The following GPC5 variants were observed in gnomAD, a reference collection of about 807,000 sequenced individuals.
The protein encoded by GPC5 is glypican 5.
Under a neutral mutation model 53.9 loss-of-function variants are expected in GPC5, and 47 were observed. The ratio of observed to expected loss-of-function variants is 0.87; its 90% confidence interval spans 0.69 to 1.11. GPC5 has a LOEUF of 1.11. Ranked by LOEUF, GPC5 falls within the 50% of genes most tolerant of loss-of-function variation. The pLI is 0.00. For synonymous variants in GPC5, 286 were observed against 263.3 expected, an observed-to-expected ratio of 1.09 and a Z score of -0.84; for missense variants, 748 against 713.1, an observed-to-expected ratio of 1.05 and a Z score of -0.56.
chr13:92,221,794 C>T (rs2042450992), intron 7 of GPC5, among the ~76,000 whole-genome samples: 1 of 152,090 alleles, frequency 6.6e-6, no homozygotes, highest in Non-Finnish European at 1.5e-5. Flanking sequence ...CTCAGGCTCC[C>T]TCTGCATTTT....
At chr13:91,656,178 G>A (rs567891795) in intron 2 of GPC5, among the ~76,000 whole-genome samples, 74 of 152,266 alleles carry the variant, frequency 4.9e-4, no homozygotes, top group African/African-American at 1.4e-3. Context: ...CAGAGGCAGC[G>A]TGGAGTAATT....
At chr13:92,497,583 A>G (rs1408351354) in intron 7 of GPC5, among the ~76,000 whole-genome samples, 1 of 152,026 alleles carries the variant, frequency 6.6e-6, no homozygotes, top group East Asian at 1.9e-4. Flanking sequence ...TGTTGGCTAC[A>G]TGGGTCTGCT....
At chr13:92,821,295 T>G (rs943137945) in intron 7 of GPC5, among the ~76,000 whole-genome samples, 1 of 152,208 alleles carries the variant, frequency 6.6e-6, no homozygotes, top group Admixed American at 6.6e-5. Flanking sequence ...GCAAATATTT[T>G]ATCTGTATTC....
chr13:91,499,365 G>C (rs1884492544), intron 2 of GPC5, among the ~76,000 whole-genome samples: 1 of 152,128 alleles, frequency 6.6e-6, no homozygotes. Context: ...ATTGAAACAA[G>C]AGAGGGAGAG....
At chr13:92,799,746 C>CT (rs1876832607) in intron 7 of GPC5, among the ~76,000 whole-genome samples, 1 of 151,720 alleles carries the variant, frequency 6.6e-6, no homozygotes, top group Non-Finnish European at 1.5e-5. Flanking sequence ...AGGAAACCAC[C>CT]TTTTTCTCTC....
At chr13:91,477,427 T>C (rs1256011202) in intron 2 of GPC5, among the ~76,000 whole-genome samples, 2 of 152,026 alleles carry the variant, frequency 1.3e-5, no homozygotes, top group Non-Finnish European at 2.9e-5. Flanking sequence ...TCTAAAAAGA[T>C]GGGAAGGTAG....
intron 7 of GPC5, among the ~76,000 whole-genome samples, chr13:92,632,485 T>TATATATATATAC (rs138355646): frequency 0.088 from 12,076 of 136,634 alleles, 646 homozygotes; most frequent in Non-Finnish European, 0.13. Flanking sequence ...TATATATATA[T>TATATATATATAC]ACACATATAT....
At chr13:92,784,948 C>A (rs1336029323) in intron 7 of GPC5, among the ~76,000 whole-genome samples, 1 of 152,082 alleles carries the variant, frequency 6.6e-6, no homozygotes, top group Admixed American at 6.6e-5. Flanking sequence ...TTCTCTCCCC[C>A]AACCTAAAAA....
At chr13:92,667,040 GA>G (rs1886596084) in intron 7 of GPC5, among the ~76,000 whole-genome samples, 1 of 152,156 alleles carries the variant, frequency 6.6e-6, no homozygotes. Context: ...ATTTTCAATA[GA>G]TGAGGGTATA....
At chr13:92,315,714 T>C (rs1055162279) in intron 7 of GPC5, among the ~76,000 whole-genome samples, 2 of 152,192 alleles carry the variant, frequency 1.3e-5, no homozygotes, top group African/African-American at 2.4e-5. Flanking sequence ...AAGAATTTCA[T>C]TGGATGAGAT....
At chr13:91,408,824 C>T (rs1364824590) in intron 1 of GPC5, among the ~76,000 whole-genome samples, 1 of 152,132 alleles carries the variant, frequency 6.6e-6, no homozygotes. Context: ...TCCTTATAGG[C>T]AGCATAATTA....
chr13:92,185,774 C>A (rs9556159), intron 7 of GPC5, among the ~76,000 whole-genome samples: 31,468 of 151,888 alleles, frequency 0.21, 4,194 homozygotes, highest in East Asian at 0.66. Context: ...GTGTTGCAAC[C>A]AAATTAGAAT....
At chr13:91,990,267 G>C (rs141283659) in intron 6 of GPC5, among the ~76,000 whole-genome samples, 159 of 152,260 alleles carry the variant, frequency 1.0e-3, no homozygotes, top group African/African-American at 3.1e-3. Flanking sequence ...AAAATGTCAG[G>C]AGAGACAATT....
intron 7 of GPC5, chr13:92,240,296 T>G (rs1439909145): frequency 6.6e-6 from 1 of 152,046 alleles, no homozygotes; most frequent in Non-Finnish European, 1.5e-5. Context: ...GTGCTTTTTT[T>G]TTTGTGGAAA....
rs189228432 is a variant in GPC5 at position 92,284,058 on chromosome 13, C to T, written c.1561+139069C>T. On this transcript the variant is annotated intron_variant, in intron 7 of 7. Coordinates refer to ENST00000377067, the MANE Select transcript of GPC5 (RefSeq NM_004466.6). ...CAATAAAAAATGATAAAGGGGATAT[C>T]ACCACTGATCCCACAGAAATACAAA... Among the ~76,000 whole-genome samples the T allele has an allele frequency of 5.2e-3, 784 of 151,196 alleles. 4 individuals carry two copies. The highest frequency in any genetic ancestry group is 0.018 in the African/African-American group (746 of 41,404).
At chr13:92,397,291 T>C (rs1317462414) in intron 7 of GPC5, among the ~76,000 whole-genome samples, 2 of 152,144 alleles carry the variant, frequency 1.3e-5, no homozygotes, top group East Asian at 1.9e-4. Context: ...TCCCCCATAC[T>C]GTTCTTGTGG....
chr13:92,860,119 T>C (rs144537701), intron 7 of GPC5, among the ~76,000 whole-genome samples: 86 of 152,330 alleles, frequency 5.6e-4, no homozygotes, highest in African/African-American at 2.0e-3. Flanking sequence ...GAATATCTCA[T>C]TACTTCATTT....
chr13:92,495,221 T>A (rs989879322), intron 7 of GPC5, among the ~76,000 whole-genome samples: 2 of 152,248 alleles, frequency 1.3e-5, no homozygotes, highest in Non-Finnish European at 2.9e-5. Context: ...TTGTAGATGA[T>A]CTGTCTTTCC....
At chr13:92,666,259 C>T (rs568165580) in intron 7 of GPC5, among the ~76,000 whole-genome samples, 1 of 152,194 alleles carries the variant, frequency 6.6e-6, no homozygotes, top group East Asian at 1.9e-4. Flanking sequence ...ATACTTCCTG[C>T]AATGCCTCAT....
Sources: gnomAD v4.1 joint callset for allele counts (sites outside exome capture counted in the v4.1 genomes callset) on GRCh38, gnomAD v4.1.1 for gene constraint, MANE v1.5 for transcripts, NCBI Gene and HGNC (gene_info 2026-07-23, HGNC 2026-07-21) for gene names.